Variants in MMP16 observed in about 807,000 individuals in gnomAD.
The protein encoded by MMP16 is matrix metallopeptidase 16.
A neutral mutation model predicts 67.8 loss-of-function variants in MMP16; 12 were observed. The ratio of observed to expected loss-of-function variants is 0.18; its 90% CI spans 0.11 to 0.29. The LOEUF (loss-of-function observed/expected upper bound fraction) is 0.29, where lower values mean the gene tolerates loss of function less well. Ranked by LOEUF, MMP16 falls within the 10% of genes least tolerant of loss-of-function variation. The probability of loss-of-function intolerance (pLI) is 1.00; values close to 1 mark genes in which losing one functional copy is unlikely to be tolerated. For synonymous variants in MMP16, 249 were observed against 255.9 expected (o/e 0.97, Z 0.26); for missense variants, 475 against 765.7 (o/e 0.62, Z 4.48).
chr8:88,307,072 A>C (rs183278646), intron 1 of MMP16, among the ~76,000 whole-genome samples: 5 of 152,336 alleles, frequency 3.3e-5, no homozygotes, highest in Admixed American at 2.6e-4. Flanking sequence ...AAGCAACTTC[A>C]GCAAAGTCTC....
intron 6 of MMP16, among the ~76,000 whole-genome samples, chr8:88,108,597 AG>A (rs1354679290): frequency 6.6e-6 from 1 of 151,218 alleles, no homozygotes; most frequent in Admixed American, 6.6e-5. Flanking sequence ...GTATGCAGGG[AG>A]TGGTGATTGA....
At chr8:88,087,652 A>G (rs1048764120) in intron 6 of MMP16, among the ~76,000 whole-genome samples, 6 of 151,840 alleles carry the variant, frequency 4.0e-5, no homozygotes, top group Admixed American at 3.3e-4. Flanking sequence ...CATTAGGAAT[A>G]TGATATTGAG....
intron 1 of MMP16, among the ~76,000 whole-genome samples, chr8:88,213,107 C>A (rs1484536956): frequency 1.3e-5 from 2 of 152,038 alleles, no homozygotes; most frequent in African/African-American, 4.8e-5. Context: ...TAAAACAATG[C>A]ATGCTAAATG....
At position 88,088,124 on chromosome 8, in the gene MMP16, T is replaced by C. The variant is rs1050062770; in HGVS notation, c.1084-13381A>G. 8.5e-5 allele frequency among the ~76,000 whole-genome samples: 5 copies of C among 59,106 alleles called. 1 individual carries two copies. In the Admixed American group the frequency reaches 8.6e-4, roughly 10 times the overall value. The allele number at this position is 59,106 out of a possible 152,430, so 38.8% of individuals were successfully genotyped here. A position where few individuals can be genotyped will look rare whatever the true frequency, so the allele number is the denominator to read the frequency against. ...CTGCTGACTGTAAGTACAGAAGACG[T>C]CTGACTGCGATCATGTACTAGACCC... On this transcript the variant is annotated intron_variant, in intron 6 of 9. Transcript: ENST00000286614.
At chr8:88,295,713 C>T (rs1811001814) in intron 1 of MMP16, among the ~76,000 whole-genome samples, 1 of 152,062 alleles carries the variant, frequency 6.6e-6, no homozygotes, top group Non-Finnish European at 1.5e-5. Flanking sequence ...GAAATGTTCT[C>T]CAACGCTTAA....
intron 4 of MMP16, among the ~76,000 whole-genome samples, chr8:88,149,042 C>T (rs367626452): frequency 3.6e-4 from 55 of 152,334 alleles, no homozygotes; most frequent in South Asian, 2.1e-3. Flanking sequence ...GGCATTGCCT[C>T]ACCTGGGAAG....
chr8:88,099,576 T>A (rs1387392205), intron 6 of MMP16, among the ~76,000 whole-genome samples: 1 of 151,834 alleles, frequency 6.6e-6, no homozygotes, highest in East Asian at 1.9e-4. Context: ...CTTATTTGAC[T>A]AGAAATTTAT....
intron 1 of MMP16, among the ~76,000 whole-genome samples, chr8:88,319,060 A>G (rs1342819182): frequency 2.6e-5 from 4 of 152,156 alleles, no homozygotes; most frequent in East Asian, 3.9e-4. Flanking sequence ...TCACATATCC[A>G]TTACATAAAT....
At chr8:88,186,101 A>G (rs1035162378) in intron 3 of MMP16, among the ~76,000 whole-genome samples, 1 of 152,226 alleles carries the variant, frequency 6.6e-6, no homozygotes, top group Non-Finnish European at 1.5e-5. Context: ...TTAAACACTG[A>G]TTAATGAATT....
chr8:88,079,211 C>CT (rs1479353563), intron 6 of MMP16, among the ~76,000 whole-genome samples: 1 of 152,240 alleles, frequency 6.6e-6, no homozygotes, highest in East Asian at 1.9e-4. Context: ...AGTAGGCCCT[C>CT]TGTTTCTGTG....
rs180925097 is a variant in MMP16 at position 88,174,957 on chromosome 8, T to C, written c.405-6984A>G. ...TTAGTAGAGATGGGGTTTCACCATG[T>C]TGGTCAGGCTGGTCTCGAACTCCTG... On this transcript the variant is annotated intron_variant, in intron 3 of 9. Coordinates refer to ENST00000286614, the MANE Select transcript of MMP16 (RefSeq NM_005941.5). Among the ~76,000 whole-genome samples the C allele has an allele frequency of 7.3e-3, 1,118 of 152,260 alleles. 3 individuals are homozygous for C. The highest frequency in any genetic ancestry group is 0.012 in the Non-Finnish European group (848 of 68,014).
chr8:88,311,503 C>T (rs1586014301), intron 1 of MMP16, among the ~76,000 whole-genome samples: 2 of 152,156 alleles, frequency 1.3e-5, no homozygotes, highest in East Asian at 3.9e-4. Flanking sequence ...TTTGTTAAGC[C>T]AGATATTTAA....
chr8:88,092,865 A>T (rs560155814), intron 6 of MMP16, among the ~76,000 whole-genome samples: 360 of 151,970 alleles, frequency 2.4e-3, no homozygotes, highest in African/African-American at 8.2e-3. Context: ...TTAAGTAAAA[A>T]GTTAGCCTTT....
chr8:88,267,122 T>C (rs1810488332), intron 1 of MMP16, among the ~76,000 whole-genome samples: 1 of 152,220 alleles, frequency 6.6e-6, no homozygotes, highest in African/African-American at 2.4e-5. Context: ...TTAGGAACGT[T>C]CATCTGCTTT....
At position 88,038,407 on chromosome 8, in the gene MMP16, A is replaced by G. The variant is rs143569041; in HGVS notation, c.*3054T>C. 2.5e-4 allele frequency: 38 copies of G among 152,616 alleles called. No individual in the cohort carries two copies. The highest frequency in any genetic ancestry group is 9.1e-4 in the African/African-American group (38 of 41,566). The allele number at this position is 152,616 out of a possible 1,614,324, so 9.5% of individuals were successfully genotyped here. On this transcript the variant is annotated 3_prime_UTR_variant, in exon 10 of 10. Coordinates refer to ENST00000286614, the MANE Select transcript of MMP16 (RefSeq NM_005941.5). The surrounding 1 kb of genome is among the most constrained non-coding windows in gnomAD (Gnocchi z 4.1). ...GATAGACTCCTTCCTTCTTAATGCT[A>G]TGATTATTTTCTAGCCCTTATATAC...
intron 1 of MMP16, among the ~76,000 whole-genome samples, chr8:88,254,990 T>A (rs1178806672): frequency 6.6e-6 from 1 of 152,190 alleles, no homozygotes; most frequent in Non-Finnish European, 1.5e-5. Flanking sequence ...TTAATCTAAA[T>A]CTATTGTGAA....
chr8:88,178,854 G>C (rs1056685252), intron 3 of MMP16, among the ~76,000 whole-genome samples: 142 of 152,074 alleles, frequency 9.3e-4, no homozygotes, highest in Non-Finnish European at 1.8e-3. Flanking sequence ...TTGAATTAAA[G>C]AGAGAGCTGG....
At chr8:88,117,738 T>C (rs2118432906) in intron 5 of MMP16, among the ~76,000 whole-genome samples, 1 of 152,078 alleles carries the variant, frequency 6.6e-6, no homozygotes, top group Middle Eastern at 3.4e-3. Flanking sequence ...TACCACTGAG[T>C]TATTAAAATT....
At chr8:88,112,991 C>T (rs929167559) in intron 6 of MMP16, among the ~76,000 whole-genome samples, 1 of 151,670 alleles carries the variant, frequency 6.6e-6, no homozygotes, top group African/African-American at 2.4e-5. Context: ...CAAGGAATAA[C>T]AACTTACCAA....
Sources: allele counts gnomAD v4.1 joint callset (sites outside exome capture counted in the v4.1 genomes callset), GRCh38; gene constraint gnomAD v4.1.1; non-coding constraint Gnocchi (gnomAD v3.1); transcripts MANE v1.5; gene names NCBI Gene and HGNC (gene_info 2026-07-23, HGNC 2026-07-21).